Variants in GLG1 observed in about 807,000 individuals in gnomAD.
The protein encoded by GLG1 is golgi glycoprotein 1.
A neutral mutation model predicts 160.5 loss-of-function variants in GLG1; 38 were observed. The observed-to-expected ratio is 0.24, with a 90% CI of 0.18 to 0.31. The LOEUF is 0.31. GLG1 is among the 10% of genes least tolerant of loss of function. GLG1 has a pLI of 1.00. For missense variants in GLG1, 1,373 were observed against 1,505.2 expected, an observed-to-expected ratio of 0.91 and a Z score of 1.45; for synonymous variants, 644 against 543.4, an observed-to-expected ratio of 1.19 and a Z score of -2.57.
intron 1 of GLG1, among the ~76,000 whole-genome samples, chr16:74,571,810 A>AAAAAAT (rs1274677172): frequency 6.6e-6 from 1 of 152,156 alleles, no homozygotes; most frequent in East Asian, 1.9e-4. Flanking sequence ...ACCCTGTCTC[A>AAAAAAT]AAAAATAAAA....
chr16:74,531,028 G>A (rs1597315674), intron 2 of GLG1, among the ~76,000 whole-genome samples: 1 of 151,980 alleles, frequency 6.6e-6, no homozygotes, highest in East Asian at 1.9e-4. Flanking sequence ...AACATTTTTT[G>A]GGGAGAAAAC....
intron 22 of GLG1, 59 bp from the exon 23 acceptor site, chr16:74,459,848 TTTC>T (rs1425494608): frequency 4.9e-5 from 41 of 836,190 alleles, no homozygotes; most frequent in South Asian, 6.5e-5. Context: ...GAACTGACAG[TTTC>T]TTCTTTTTTT....
At chr16:74,507,499 G>C (rs991704393) in intron 3 of GLG1, among the ~76,000 whole-genome samples, 1 of 152,208 alleles carries the variant, frequency 6.6e-6, no homozygotes, top group East Asian at 1.9e-4. Flanking sequence ...CACTTTGGGA[G>C]GTTGAGGTGG....
intron 4 of GLG1, among the ~76,000 whole-genome samples, chr16:74,498,465 T>TATATATATATATATATATATA (rs2016288603): frequency 9.6e-6 from 1 of 104,524 alleles, no homozygotes; most frequent in Non-Finnish European, 1.9e-5. Context: ...TATATATATA[T>TATATATATATATATATATATA]ATTATATTTT....
At chr16:74,459,500 T>C (rs1039770734) in intron 23 of GLG1, among the ~76,000 whole-genome samples, 182 bp downstream of exon 23, 3 of 151,894 alleles carry the variant, frequency 2.0e-5, no homozygotes, top group Admixed American at 6.6e-5. Flanking sequence ...ATTCACATTA[T>C]AGGAGATGAG....
chr16:74,574,813 G>A (rs2018939120), intron 1 of GLG1, among the ~76,000 whole-genome samples: 1 of 143,630 alleles, frequency 7.0e-6, no homozygotes, highest in Admixed American at 7.2e-5. Context: ...GAACTCGGGA[G>A]GTGGAGGTTG....
intron 21 of GLG1, 66 bp from the exon 22 acceptor site, chr16:74,462,261 C>T (rs2014829827): frequency 1.2e-6 from 1 of 832,218 alleles, no homozygotes; most frequent in Non-Finnish European, 1.9e-6. Context: ...AAAAGCAGGA[C>T]ATGAAAAAAA....
At position 74,498,463 on chromosome 16, in the gene GLG1, T is replaced by C. The variant is rs1423148176; in HGVS notation, c.775-1819A>G. ...AAAAAAAAAAGTATATATATATATATATATTATATTTTATATATATATTTT... is the reference window on the plus strand; with the variant it reads ...AAAAAAAAAAGTATATATATATATACATATTATATTTTATATATATATTTT... On this transcript the variant is annotated intron_variant, in intron 4 of 25. Transcript: ENST00000422840. Among the ~76,000 whole-genome samples, 4 of 104,114 alleles carry C rather than the reference T, an allele frequency of 3.8e-5. 1 individual carries two copies. Among genetic ancestry groups the C allele is most frequent in the African/African-American group, 1.5e-4 (4 of 25,928 alleles). 68.3% of individuals were successfully genotyped at this position (104,114 alleles called of 152,430 possible).
At chr16:74,457,672 A>C (rs2014611632) in intron 24 of GLG1, among the ~76,000 whole-genome samples, 2 of 152,196 alleles carry the variant, frequency 1.3e-5, no homozygotes, top group African/African-American at 4.8e-5. Flanking sequence ...AGGCCAGTTC[A>C]AACTCGCAGG....
chr16:74,465,841 G>A (rs199977280), intron 18 of GLG1, 28 bp from the exon 19 acceptor site: 359 of 1,607,956 alleles, frequency 2.2e-4, no homozygotes, highest in Non-Finnish European at 3.0e-4. Context: ...TAGTCAAGTT[G>A]AGAGATGTCA....
intron 13 of GLG1, chr16:74,472,805 T>G (rs2015252432): frequency 2.8e-6 from 1 of 353,570 alleles, no homozygotes. Context: ...GCCAGAGCAC[T>G]GCCCTCAAAG....
At chr16:74,508,520 T>C (rs922949336) in intron 3 of GLG1, among the ~76,000 whole-genome samples, 3 of 152,200 alleles carry the variant, frequency 2.0e-5, no homozygotes, top group Admixed American at 2.0e-4. Flanking sequence ...AGACCTCCTG[T>C]AACCAGGCTG....
At position 74,581,481 on chromosome 16, in the gene GLG1, A is replaced by T. The variant is rs182628730; in HGVS notation, c.438+25176T>A. On this transcript the variant is annotated intron_variant, in intron 1 of 25. Coordinates refer to ENST00000422840, the MANE Select transcript of GLG1 (RefSeq NM_001145667.2). ...AAAAATAGAATGGTGGTTGCCAGGG[A>T]CTCTGGAATGGGAAGTTGTTATTTA... Among the ~76,000 whole-genome samples the T allele has an allele frequency of 1.3e-4, 19 of 149,304 alleles. No individual in the cohort carries two copies. In the East Asian group the frequency reaches 3.4e-3, roughly 27 times the overall value.
intron 1 of GLG1, among the ~76,000 whole-genome samples, chr16:74,563,720 C>T (rs2018571613): frequency 6.9e-6 from 1 of 145,710 alleles, no homozygotes; most frequent in Admixed American, 7.0e-5. Context: ...GAGTGAGACC[C>T]TGTCTCAAAA....
chr16:74,529,754 T>C (rs1481901770), intron 2 of GLG1, among the ~76,000 whole-genome samples: 1 of 151,784 alleles, frequency 6.6e-6, no homozygotes, highest in Non-Finnish European at 1.5e-5. Context: ...TTGGATACTA[T>C]TTGTCCCCCA....
At chr16:74,454,688 A>ACC (rs2014461814) in intron 25 of GLG1, among the ~76,000 whole-genome samples, 1 of 144,082 alleles carries the variant, frequency 6.9e-6, no homozygotes. Context: ...AAAAAAAAAA[A>ACC]AAAAAAAAAA....
At chr16:74,470,233 TC>T (rs2015147938) in intron 15 of GLG1, among the ~76,000 whole-genome samples, 160 bp from the exon 16 acceptor site, 3 of 151,750 alleles carry the variant, frequency 2.0e-5, no homozygotes, top group Admixed American at 1.3e-4. Flanking sequence ...TCTCCAGTAC[TC>T]CCCCTACAAC....
chr16:74,567,814 C>G (rs1039996155), intron 1 of GLG1, among the ~76,000 whole-genome samples: 1 of 151,066 alleles, frequency 6.6e-6, no homozygotes, highest in Non-Finnish European at 1.5e-5. Flanking sequence ...ATGATCCACC[C>G]GCCTCGGCCT....
At chr16:74,534,716 T>C (rs2017639432) in intron 1 of GLG1, among the ~76,000 whole-genome samples, 1 of 152,058 alleles carries the variant, frequency 6.6e-6, no homozygotes, top group Non-Finnish European at 1.5e-5. Context: ...TTTGTAAGTC[T>C]GTACCGCCTC....
Sources: allele counts gnomAD v4.1 joint callset (sites outside exome capture counted in the v4.1 genomes callset), GRCh38; gene constraint gnomAD v4.1.1; transcripts MANE v1.5; gene names NCBI Gene and HGNC (gene_info 2026-07-23, HGNC 2026-07-21).